Variants in MMP11 observed in about 807,000 individuals in gnomAD.
The protein encoded by MMP11 is stromelysin-3.
Under a neutral mutation model 49.5 loss-of-function variants are expected in MMP11, and 26 were observed. The ratio of observed to expected loss-of-function variants is 0.52; its 90% CI spans 0.38 to 0.73. MMP11 has a LOEUF of 0.73. Among genes scored for constraint, MMP11 ranks in the 30% least tolerant of loss-of-function variants. The pLI is 0.00. For missense variants in MMP11, 624 were observed against 671.2 expected, an observed-to-expected ratio of 0.93 and a Z score of 0.78; for synonymous variants, 265 against 282.3, an observed-to-expected ratio of 0.94 and a Z score of 0.62.
rs765583202 is a variant in MMP11, at chr22:23,779,176, C to T, written c.109-11C>T. On this transcript the variant is annotated splice_polypyrimidine_tract_variant and intron_variant, in intron 1 of 7. Coordinates refer to ENST00000215743, the MANE Select transcript of MMP11 (RefSeq NM_005940.5). The stretch of plus-strand genomic sequence containing the variant: ...GGCCTGACCAGACCCTCATGTCATC[C>T]TCCTGCCTAGGACGCCCACCACCTC... The T allele has an allele frequency of 6.4e-7, 1 of 1,570,684 alleles. No homozygotes were observed. The highest frequency in any genetic ancestry group is 8.6e-7 in the Non-Finnish European group (1 of 1,160,054).
In MMP11 at chr22:23,781,079, C is replaced by T. The variant is rs1187910494; in HGVS notation, c.837C>T (p.Thr279=). ...PALGPQAGID[T]NEIAPLEPDA... ...TGGGCCCCCAGGCTGGGATAGACAC[C>T]AATGAGATTGCACCGCTGGAGGTGA... The change falls in exon 5 of 8, where the codon ACC becomes ACT. Residue 279 remains threonine, a synonymous_variant. Coordinates refer to ENST00000215743, the MANE Select transcript of MMP11 (RefSeq NM_005940.5). 1.2e-6 allele frequency: 2 copies of T among 1,609,150 alleles called. No homozygotes were observed. The highest frequency in any genetic ancestry group is 8.5e-7 in the Non-Finnish European group (1 of 1,179,898).
rs550917535 is a variant in MMP11 at position 23,781,835 on chromosome 22, T to G, written c.1076-391T>G. 1.3e-4 allele frequency: 74 copies of G among 589,428 alleles called. 2 individuals carry two copies. The highest frequency in any genetic ancestry group is 1.1e-3 in the South Asian group (74 of 65,606). 36.5% of individuals were successfully genotyped at this position (589,428 alleles called of 1,614,324 possible). A position where few individuals can be genotyped will look rare whatever the true frequency, so the allele number is the denominator to read the frequency against. ...TGGCAGAGATGAGAGCCTGGAGCAT[T>G]GCAGATGCCAGGGACTTCACAAATG... is the stretch of plus-strand genomic sequence containing the variant. On this transcript the variant is annotated intron_variant, in intron 6 of 7. Transcript: ENST00000215743.
intron 6 of MMP11, 122 bp downstream of exon 6, chr22:23,781,531 C>T: frequency 1.1e-6 from 1 of 949,604 alleles, no homozygotes; most frequent in Non-Finnish European, 1.6e-6. Flanking sequence ...GCCCCAAAGC[C>T]TGGGGGCCGA....
intron 1 of MMP11, among the ~76,000 whole-genome samples, chr22:23,777,040 C>T (rs554751940): frequency 6.6e-6 from 1 of 150,806 alleles, no homozygotes; most frequent in South Asian, 2.1e-4. Context: ...ATCTCCTGAC[C>T]TCATGATCCG....
Position 23,780,218 on chromosome 22 carries a change from G to A in MMP11, c.339-141G>A, listed in dbSNP as rs577475879. On this transcript the variant is annotated intron_variant, in intron 2 of 7. Coordinates refer to ENST00000215743, the MANE Select transcript of MMP11 (RefSeq NM_005940.5). This position sits in a 1 kb window ranked among gnomAD's most constrained non-coding sequence, Gnocchi z 4.6. The stretch of plus-strand genomic sequence containing the variant: ...CCCATGTGGCCAGGGAGACCAGTGC[G>A]CTGAAGCTGAGGCCCAGAGTACACC... The A allele has an allele frequency of 1.6e-5, 16 of 988,258 alleles. 1 individual carries two copies. Among genetic ancestry groups the A allele is most frequent in the South Asian group, 6.2e-5 (4 of 64,846 alleles). The allele number at this position is 988,258 out of a possible 1,614,324, so 61.2% of individuals were successfully genotyped here.
intron 6 of MMP11, 166 bp from the exon 7 acceptor site, chr22:23,782,060 G>T (rs575371743): frequency 2.0e-6 from 2 of 1,021,492 alleles, no homozygotes; most frequent in South Asian, 1.5e-5. Flanking sequence ...CAGGCCTCCC[G>T]CTTCCCTCTG....
intron 1 of MMP11, chr22:23,777,926 A>G (rs1927474203): frequency 2.0e-5 from 3 of 152,256 alleles, no homozygotes; most frequent in Non-Finnish European, 4.4e-5. Flanking sequence ...GGTGTTCTTG[A>G]TGCCTCAGCT....
intron 7 of MMP11, 162 bp downstream of exon 7, chr22:23,782,645 T>A: frequency 1.2e-6 from 1 of 866,498 alleles, no homozygotes; most frequent in Non-Finnish European, 1.7e-6. Context: ...CGGCTAGTGC[T>A]ACATTCCATA....
rs377446476 is a variant in MMP11, at chr22:23,780,306, G to A, written c.339-53G>A. 25 of 1,609,584 alleles carry A rather than the reference G, an allele frequency of 1.6e-5. No homozygotes were observed. The East Asian group carries it at 5.4e-4, about 34-fold the overall frequency. On this transcript the variant is annotated intron_variant, in intron 2 of 7. Transcript: ENST00000215743. The surrounding 1 kb of genome is among the most constrained non-coding windows in gnomAD (Gnocchi z 4.6). ...TCCAGGGGCAACTCCTGGTGCCTCA[G>A]CCATCGGGGGCTGTCCCTTCCCTGA...
At chr22:23,779,558 G>T in intron 2 of MMP11, 142 bp downstream of exon 2, 1 of 744,016 alleles carries the variant, frequency 1.3e-6, no homozygotes. Flanking sequence ...ACCCCAGGGA[G>T]GTCATCTATG....
Position 23,780,270 on chromosome 22 carries a change from C to T in MMP11, c.339-89C>T. ...GGCCTGTGTCCTGAGTGTTCACACA[C>T]CCACCAAGCATCCAGGGGCAACTCC... On this transcript the variant is annotated intron_variant, in intron 2 of 7. Transcript: ENST00000215743. The surrounding 1 kb of genome is among the most constrained non-coding windows in gnomAD (Gnocchi z 4.6). 1.9e-6 allele frequency: 3 copies of T among 1,543,778 alleles called. No homozygotes were observed. Among genetic ancestry groups the T allele is most frequent in the South Asian group, 1.2e-5 (1 of 85,764 alleles).
intron 7 of MMP11, 124 bp downstream of exon 7, chr22:23,782,607 C>T: frequency 3.3e-6 from 4 of 1,222,278 alleles, no homozygotes; most frequent in Non-Finnish European, 4.5e-6. Flanking sequence ...GTCCTTTGTC[C>T]AGAGCCATCT....
intron 1 of MMP11, among the ~76,000 whole-genome samples, chr22:23,776,356 A>G (rs1002679832): frequency 5.3e-5 from 8 of 152,156 alleles, no homozygotes; most frequent in African/African-American, 1.9e-4. Context: ...TTTCTCCTGT[A>G]AGTCAAGGGG....
chr22:23,774,145 C>T (rs1039902282), intron 1 of MMP11, among the ~76,000 whole-genome samples: 4 of 152,080 alleles, frequency 2.6e-5, no homozygotes, highest in African/African-American at 7.2e-5. Flanking sequence ...ACCATGTGAC[C>T]CTGGGTGAAT....
chr22:23,782,172 CG>C, intron 6 of MMP11, 53 bp from the exon 7 acceptor site: 2 of 1,578,252 alleles, frequency 1.3e-6, no homozygotes, highest in Non-Finnish European at 8.6e-7. Context: ...TCCACAGTGG[CG>C]GGGCATGGCA....
intron 1 of MMP11, among the ~76,000 whole-genome samples, chr22:23,773,459 T>C (rs952474018): frequency 2.0e-5 from 3 of 152,012 alleles, no homozygotes; most frequent in African/African-American, 4.8e-5. Flanking sequence ...CTGCGGGAAA[T>C]GGGGTCTAAG....
rs781527444 is a variant in MMP11 at position 23,779,190 on chromosome 22, G to T, written c.112G>T (p.Ala38Ser). ...PLLARALPPD[A>S]HHLHAERRGP... ...CTCATGTCATCCTCCTGCCTAGGAC[G>T]CCCACCACCTCCATGCCGAGAGGAG... Residue 38 changes from alanine to serine, a missense_variant, in exon 2 of 8, where the codon GCC becomes TCC. Transcript: ENST00000215743. The T allele has an allele frequency of 1.9e-5, 30 of 1,590,600 alleles. No individual in the cohort carries two copies. In the Admixed American group the frequency reaches 5.2e-4, roughly 27 times the overall value.
Position 23,780,996 on chromosome 22 carries a change from G to A in MMP11, c.754G>A (p.Gly252Ser), listed in dbSNP as rs764697116. The change falls in exon 5 of 8, where the codon GGC (glycine) becomes AGC (serine). Residue 252 changes from glycine (G) to serine (S), a missense_variant. Transcript: ENST00000215743. The surrounding 1 kb of genome is among the most constrained non-coding windows in gnomAD (Gnocchi z 4.6). ...GAGTCTCAGCCCAGATGACTGCAGG[G>A]GCGTTCAACACCTATATGGCCAGCC... ...PLSLSPDDCRGVQHLYGQPWP... is the reference protein window; with the variant it reads ...PLSLSPDDCRSVQHLYGQPWP... 1.4e-5 allele frequency: 23 copies of A among 1,613,400 alleles called. No individual in the cohort carries two copies. The highest frequency in any genetic ancestry group is 1.9e-5 in the Non-Finnish European group (22 of 1,180,010).
At position 23,775,211 on chromosome 22, in the gene MMP11, G is replaced by A. The variant is rs28363626; in HGVS notation, c.108+2233G>A. Among the ~76,000 whole-genome samples, 469 of 152,332 alleles carry A rather than the reference G, an allele frequency of 3.1e-3. 3 individuals carry two copies. Among genetic ancestry groups the A allele is most frequent in the South Asian group, 0.022 (107 of 4,830 alleles). On this transcript the variant is annotated intron_variant, in intron 1 of 7. Transcript: ENST00000215743. The stretch of plus-strand genomic sequence containing the variant: ...AGGTCCAGCTCTTGCATGACTTGCT[G>A]TGTGACCCCGGGCAAAGTCCTTGAG...
Sources: allele counts gnomAD v4.1 joint callset (sites outside exome capture counted in the v4.1 genomes callset), GRCh38; gene constraint gnomAD v4.1.1; non-coding constraint Gnocchi (gnomAD v3.1); transcripts MANE v1.5; gene names NCBI Gene and HGNC (gene_info 2026-07-23, HGNC 2026-07-21).